The following ZNF221 variants were observed in gnomAD, a reference collection of about 807,000 sequenced individuals.
ZNF221 encodes the protein zinc finger protein 221.
ZNF221 carries 10 observed loss-of-function variants against 12.6 expected under a neutral mutation model. That is an observed-to-expected ratio of 0.79 (90% confidence interval 0.49 to 1.34). The LOEUF is 1.34. ZNF221 is among the 40% of genes most tolerant of loss of function. ZNF221 has a pLI of 0.00. For synonymous variants in ZNF221, 232 were observed against 244.0 expected (o/e 0.95, Z 0.46); for missense variants, 661 against 721.4 (o/e 0.92, Z 0.96).
Position 43,966,791 on chromosome 19 carries a change from G to C in ZNF221, c.1289G>C (p.Gly430Ala). 1 of 1,614,166 alleles carries C rather than the reference G, an allele frequency of 6.2e-7. No homozygotes were observed. Among genetic ancestry groups the C allele is most frequent in the Non-Finnish European group, 8.5e-7 (1 of 1,180,036 alleles). The change falls in exon 5 of 5, where the codon GGA (glycine) becomes GCA (alanine). Residue 430 changes from glycine to alanine, a missense_variant. Gly to Ala is a moderately conservative substitution (Grantham distance 60). Transcript: ENST00000587682. ...TTCAAATGTGAAGAATGTGGGAAGG[G>C]ATTTTATACAAATTCACGACGATCT... ...KSFKCEECGK[G>A]FYTNSRRSSH...
chr19:43,951,988 C>T (rs1474054545), intron 1 of ZNF221, among the ~76,000 whole-genome samples: 1 of 150,130 alleles, frequency 6.7e-6, no homozygotes, highest in East Asian at 2.0e-4. Flanking sequence ...ATTCTCCTGC[C>T]TCAGCCTCCC....
At chr19:43,963,073 T>C (rs1974874151) in intron 2 of ZNF221, among the ~76,000 whole-genome samples, 1 of 152,196 alleles carries the variant, frequency 6.6e-6, no homozygotes, top group South Asian at 2.1e-4. Context: ...AAATTAGCTG[T>C]TTTTATCTTG....
At chr19:43,958,441 G>A (rs771802342) in intron 1 of ZNF221, among the ~76,000 whole-genome samples, 3 of 152,162 alleles carry the variant, frequency 2.0e-5, no homozygotes, top group Non-Finnish European at 4.4e-5. Flanking sequence ...CATTTATAGG[G>A]TGAGTTGAGC....
In ZNF221 at chr19:43,967,432, C is replaced by G; in HGVS notation, c.*76C>G. On this transcript the variant is annotated 3_prime_UTR_variant, in exon 5 of 5. Coordinates refer to ENST00000587682, the MANE Select transcript of ZNF221 (RefSeq NM_001297588.2). ...ATCAATTCTCCACAGCAGAGAAAAA[C>G]CATTCAAATATGAGAACTGTGGGAA... The G allele has an allele frequency of 8.9e-7, 1 of 1,119,796 alleles. No homozygotes were observed. The highest frequency in any genetic ancestry group is 1.3e-6 in the Non-Finnish European group (1 of 772,094). 69.4% of individuals were successfully genotyped at this position (1,119,796 alleles called of 1,614,324 possible). A position where few individuals can be genotyped will look rare whatever the true frequency, so the allele number is the denominator to read the frequency against.
At chr19:43,969,410 A>C (rs1975049809), downstream of ZNF221, among the ~76,000 whole-genome samples, 1 of 122,622 alleles carries the variant, frequency 8.2e-6, no homozygotes, top group South Asian at 2.7e-4. Flanking sequence ...GTGCAGTGGC[A>C]TGCTCTTGGT....
In ZNF221 at chr19:43,966,536, A is replaced by G; in HGVS notation, c.1034A>G (p.Lys345Arg). 1.2e-6 allele frequency: 2 copies of G among 1,614,188 alleles called. No homozygotes were observed. The highest frequency in any genetic ancestry group is 8.5e-7 in the Non-Finnish European group (1 of 1,180,022). The change falls in exon 5 of 5, where the codon AAG becomes AGG. Residue 345 changes from lysine to arginine, a missense_variant. By Grantham distance (26) the Lys-to-Arg change is conservative. Coordinates refer to ENST00000587682, the MANE Select transcript of ZNF221 (RefSeq NM_001297588.2). Reference protein sequence around the residue: ...EKPFRCDTCGKNFRQRSALNS... With the variant: ...EKPFRCDTCGRNFRQRSALNS... ...CCATTCAGATGTGATACATGTGGCA[A>G]GAACTTTCGTCAGAGATCAGCACTT...
chr19:43,965,851 C>CA lies in ZNF221; in HGVS notation c.350dup (p.His117GlnfsTer2), dbSNP rs774473525. ...GGAGACTGTTCCAGAAGCAGGACCA[C>CA]ATGAAGAGTGGTCCTGTCAGCAAAT... On this transcript the variant is annotated frameshift_variant, in exon 5 of 5. Coordinates refer to ENST00000587682, the MANE Select transcript of ZNF221 (RefSeq NM_001297588.2). LOFTEE classifies it low-confidence loss of function (END_TRUNC). 7.4e-6 allele frequency: 12 copies of CA among 1,612,952 alleles called. No homozygotes were observed. The highest frequency in any genetic ancestry group is 1.7e-4 in the Middle Eastern group (1 of 6,054).
intron 1 of ZNF221, among the ~76,000 whole-genome samples, chr19:43,961,447 T>C (rs1371949314): frequency 6.6e-6 from 1 of 151,980 alleles, no homozygotes; most frequent in African/African-American, 2.4e-5. Flanking sequence ...GGCTATAGAG[T>C]TTCATATAAG....
intron 1 of ZNF221, among the ~76,000 whole-genome samples, chr19:43,961,170 T>G (rs1974836734): frequency 6.6e-6 from 1 of 152,192 alleles, no homozygotes; most frequent in Non-Finnish European, 1.5e-5. Context: ...AGCCTTTAAC[T>G]CCTAGACTCA....
At chr19:43,970,683 T>C (rs568039350), downstream of ZNF221, among the ~76,000 whole-genome samples, 13 of 152,124 alleles carry the variant, frequency 8.5e-5, no homozygotes, top group Non-Finnish European at 1.8e-4. Flanking sequence ...GAAGACTATC[T>C]TTCTGAAATA....
intron 1 of ZNF221, among the ~76,000 whole-genome samples, chr19:43,952,193 G>A (rs530291825): frequency 2.0e-5 from 3 of 152,124 alleles, no homozygotes; most frequent in Admixed American, 6.5e-5. Flanking sequence ...TCTTATTTAG[G>A]AAAAGGAGGG....
chr19:43,977,101 A>T, the ZNF221 span: 1 of 152,242 alleles, frequency 6.6e-6, no homozygotes, highest in Non-Finnish European at 1.5e-5. Context: ...ATCCTATTGT[A>T]GCCTTCATAA....
the ZNF221 span, among the ~76,000 whole-genome samples, chr19:43,974,972 CA>C: frequency 6.6e-6 from 1 of 151,346 alleles, no homozygotes; most frequent in Non-Finnish European, 1.5e-5. Context: ...TGCAGTGAGT[CA>C]AGGTCATGCC....
intron 1 of ZNF221, among the ~76,000 whole-genome samples, chr19:43,953,446 T>G (rs1974706829): frequency 1.3e-5 from 2 of 152,120 alleles, no homozygotes; most frequent in Middle Eastern, 3.4e-3. Context: ...TCCTCTTGGT[T>G]TTTTATGGAA....
the ZNF221 span, among the ~76,000 whole-genome samples, chr19:43,980,142 C>T: frequency 6.6e-6 from 1 of 152,164 alleles, no homozygotes; most frequent in Non-Finnish European, 1.5e-5. Flanking sequence ...TCAGAATAAC[C>T]TGAAAGCGTC....
chr19:43,956,049 T>C (rs1047389410), intron 1 of ZNF221, among the ~76,000 whole-genome samples: 2 of 152,192 alleles, frequency 1.3e-5, no homozygotes, highest in Admixed American at 1.3e-4. Context: ...TAATGCCCCA[T>C]AGTGGGGTAG....
chr19:43,959,300 G>C (rs1295559016), intron 1 of ZNF221, among the ~76,000 whole-genome samples: 1 of 152,152 alleles, frequency 6.6e-6, no homozygotes, highest in Non-Finnish European at 1.5e-5. Flanking sequence ...GGTCTTAGAG[G>C]TACTTACTGT....
downstream of ZNF221, among the ~76,000 whole-genome samples, chr19:43,968,651 A>C (rs1212171270): frequency 1.3e-5 from 2 of 152,264 alleles, no homozygotes; most frequent in Non-Finnish European, 2.9e-5. Flanking sequence ...TGAAAATGAC[A>C]GATAAATTCA....
downstream of ZNF221, among the ~76,000 whole-genome samples, chr19:43,970,401 A>C (rs558904475): frequency 1.3e-5 from 2 of 152,188 alleles, no homozygotes; most frequent in Non-Finnish European, 2.9e-5. Context: ...AGGGTACAGA[A>C]CTGGGCTGAG....
Sources: gnomAD v4.1 joint callset for allele counts (sites outside exome capture counted in the v4.1 genomes callset) on GRCh38, gnomAD v4.1.1 for gene constraint, MANE v1.5 for transcripts, NCBI Gene and HGNC (gene_info 2026-07-23, HGNC 2026-07-21) for gene names.